Variants in LMO1 observed in about 807,000 individuals in gnomAD.
The protein encoded by LMO1 is LIM domain only 1, also known as rhombotin-1.
A neutral mutation model predicts 18.0 loss-of-function variants in LMO1; 10 were observed. The observed-to-expected ratio is 0.55, with a 90% CI of 0.34 to 0.94. LMO1 has a LOEUF of 0.94. Ranked by LOEUF, LMO1 falls within the 40% of genes least tolerant of loss-of-function variation. The pLI is 0.02. For missense variants in LMO1, 183 were observed against 205.7 expected (o/e 0.89, Z 0.68); for synonymous variants, 77 against 77.9 (o/e 0.99, Z 0.06).
chr11:8,250,140 C>T (rs1256779474), intron 1 of LMO1, among the ~76,000 whole-genome samples: 1 of 152,008 alleles, frequency 6.6e-6, no homozygotes, highest in African/African-American at 2.4e-5. Flanking sequence ...TTTTGGCTCA[C>T]TGTAGATCTC....
At chr11:8,265,049 G>A (rs1847247278), upstream of LMO1, among the ~76,000 whole-genome samples, 1 of 152,248 alleles carries the variant, frequency 6.6e-6, no homozygotes, top group Admixed American at 6.5e-5. Context: ...AGACAGATGT[G>A]TTGGAGGCTT....
chr11:8,259,434 G>A (rs78535658), intron 1 of LMO1, among the ~76,000 whole-genome samples: 11,372 of 152,268 alleles, frequency 0.075, 486 homozygotes, highest in Middle Eastern at 0.092. Flanking sequence ...ATTCCCAGCA[G>A]AAAGGAGGGC....
intron 1 of LMO1, among the ~76,000 whole-genome samples, chr11:8,254,825 T>A (rs1419281879): frequency 6.6e-6 from 1 of 152,210 alleles, no homozygotes; most frequent in Non-Finnish European, 1.5e-5. Flanking sequence ...GCGCACTGAC[T>A]CTGCAGTCAG....
intron 1 of LMO1, among the ~76,000 whole-genome samples, chr11:8,257,032 G>C (rs1249163439): frequency 1.3e-5 from 2 of 152,190 alleles, no homozygotes; most frequent in Non-Finnish European, 2.9e-5. Context: ...CATGCTTAAC[G>C]ACCAAGTCTT....
intron 1 of LMO1, among the ~76,000 whole-genome samples, chr11:8,234,799 C>T (rs1952733350): frequency 6.6e-6 from 1 of 152,202 alleles, no homozygotes; most frequent in Non-Finnish European, 1.5e-5. Flanking sequence ...ATCTTGTTAG[C>T]TTGTGTCCCG....
At chr11:8,267,941 C>A (rs1847277604), upstream of LMO1, among the ~76,000 whole-genome samples, 1 of 152,232 alleles carries the variant, frequency 6.6e-6, no homozygotes, top group Non-Finnish European at 1.5e-5. Context: ...TTTGACGGCA[C>A]CCTCACCCCT....
intron 2 of LMO1, among the ~76,000 whole-genome samples, chr11:8,228,920 C>T (rs1478469508): frequency 3.3e-5 from 5 of 152,138 alleles, no homozygotes; most frequent in African/African-American, 1.2e-4. Flanking sequence ...CAGGGTCTTG[C>T]TCTGGCACCC....
intron 1 of LMO1, among the ~76,000 whole-genome samples, chr11:8,245,276 G>A (rs1373435432): frequency 6.6e-6 from 1 of 152,160 alleles, no homozygotes; most frequent in Non-Finnish European, 1.5e-5. Flanking sequence ...TCTGAGGCAA[G>A]GGTTCAGGCC....
chr11:8,268,695 C>G (rs1031308629), upstream of LMO1: 2 of 267,994 alleles, frequency 7.5e-6, no homozygotes, highest in Non-Finnish European at 1.4e-5. Flanking sequence ...GCGGGAGCCT[C>G]GCGAGCAGCA....
intron 1 of LMO1, among the ~76,000 whole-genome samples, chr11:8,236,364 G>C (rs548078892): frequency 8.5e-4 from 128 of 150,634 alleles, no homozygotes; most frequent in African/African-American, 3.0e-3. Flanking sequence ...CTAATTTTTG[G>C]GGGGAGGAAT....
At chr11:8,244,691 C>G (rs1417959757) in intron 1 of LMO1, among the ~76,000 whole-genome samples, 1 of 152,176 alleles carries the variant, frequency 6.6e-6, no homozygotes, top group Non-Finnish European at 1.5e-5. Context: ...CATGTGAGCC[C>G]CCCTCTCAGG....
intron 1 of LMO1, among the ~76,000 whole-genome samples, chr11:8,255,443 G>A (rs1847074909): frequency 6.6e-6 from 1 of 152,244 alleles, no homozygotes; most frequent in Non-Finnish European, 1.5e-5. Context: ...GGTCAAGGCT[G>A]CAGGAAGCTG....
In LMO1 at chr11:8,263,376, T is replaced by C; in HGVS notation, c.-14A>G. On this transcript the variant is annotated 5_prime_UTR_variant, in exon 1 of 4. Transcript: ENST00000335790. ...CAGCACCATCATCTCGGGCGCTCCG[T>C]GTCCAGCCGCAGCTAGGCTCGGCCG... The C allele has an allele frequency of 6.2e-7, 1 of 1,604,384 alleles. No individual in the cohort carries two copies. Among genetic ancestry groups the C allele is most frequent in the Non-Finnish European group, 8.5e-7 (1 of 1,178,574 alleles).
intron 1 of LMO1, among the ~76,000 whole-genome samples, chr11:8,260,771 C>T (rs911595106): frequency 6.6e-6 from 1 of 152,118 alleles, no homozygotes; most frequent in Non-Finnish European, 1.5e-5. Flanking sequence ...CCTCTCCAGA[C>T]AAGATGCTGT....
intron 1 of LMO1, among the ~76,000 whole-genome samples, chr11:8,232,960 G>A (rs892375593): frequency 1.3e-5 from 2 of 152,140 alleles, no homozygotes; most frequent in African/African-American, 4.8e-5. Flanking sequence ...AGCACTGGTC[G>A]ACAATCTCTT....
chr11:8,226,879 A>G, intron 3 of LMO1, 96 bp downstream of exon 3: 1 of 1,473,330 alleles, frequency 6.8e-7, no homozygotes, highest in Non-Finnish European at 9.0e-7. Context: ...CGCAACCCGC[A>G]TTTGCGTGCA....
chr11:8,225,814 C>G lies in LMO1; in HGVS notation c.366-1093G>C, dbSNP rs186339383. ...CAGCAGGTCCGGCCAGAGCCCCCAG[C>G]CAGACCAGCGTTCCCTGTAGGTCCC... On this transcript the variant is annotated intron_variant, in intron 3 of 3. Coordinates refer to ENST00000335790, the MANE Select transcript of LMO1 (RefSeq NM_002315.3). Among the ~76,000 whole-genome samples, 9 of 152,348 alleles carry G rather than the reference C, an allele frequency of 5.9e-5. No homozygotes were observed. The East Asian group carries it at 1.5e-3, about 26-fold the overall frequency.
At chr11:8,263,098 C>G (rs1847215476) in intron 1 of LMO1, among the ~76,000 whole-genome samples, 2 of 151,552 alleles carry the variant, frequency 1.3e-5, no homozygotes. Context: ...GGCCGGGACC[C>G]GGGGGGCGTG....
At chr11:8,226,937 T>C (rs372922021) in intron 3 of LMO1, 38 bp downstream of exon 3, 295 of 1,588,454 alleles carry the variant, frequency 1.9e-4, no homozygotes, top group Non-Finnish European at 2.4e-4. Flanking sequence ...CAGGCTGGCG[T>C]CTGGGGAGTG....
Sources: gnomAD v4.1 joint callset for allele counts (sites outside exome capture counted in the v4.1 genomes callset) on GRCh38, gnomAD v4.1.1 for gene constraint, MANE v1.5 for transcripts, NCBI Gene and HGNC (gene_info 2026-07-23, HGNC 2026-07-21) for gene names.